FAM107B: variants seen among roughly 807,000 people sequenced by gnomAD.
FAM107B encodes the protein family with sequence similarity 107 member B.
A neutral mutation model predicts 31.5 loss-of-function variants in FAM107B; 21 were observed. That is an observed-to-expected ratio of 0.67 (90% CI 0.47 to 0.96). The LOEUF is 0.96. Ranked by LOEUF, FAM107B falls within the 40% of genes least tolerant of loss-of-function variation. FAM107B has a pLI of 0.00. For missense variants in FAM107B, 452 were observed against 377.1 expected, an observed-to-expected ratio of 1.20 and a Z score of -1.64; for synonymous variants, 157 against 141.5, an observed-to-expected ratio of 1.11 and a Z score of -0.78.
At chr10:14,673,795 A>G (rs1854614646) in intron 1 of FAM107B, among the ~76,000 whole-genome samples, 1 of 151,976 alleles carries the variant, frequency 6.6e-6, no homozygotes, top group Non-Finnish European at 1.5e-5. Flanking sequence ...TGTCTTCTTG[A>G]TAATCGCCAT....
At chr10:14,578,918 A>G (rs1186287507) in intron 2 of FAM107B, among the ~76,000 whole-genome samples, 1 of 152,200 alleles carries the variant, frequency 6.6e-6, no homozygotes, top group Non-Finnish European at 1.5e-5. Context: ...GGGTCTCCAA[A>G]AAGTATAGCA....
At chr10:14,668,975 T>C (rs569597317) in intron 1 of FAM107B, among the ~76,000 whole-genome samples, 5 of 152,324 alleles carry the variant, frequency 3.3e-5, no homozygotes, top group East Asian at 1.9e-4. Flanking sequence ...TTATTCATTA[T>C]AGGAATACTG....
In FAM107B at chr10:14,579,745, A is replaced by G. The variant is rs142250602; in HGVS notation, c.470-49230T>C. Among the ~76,000 whole-genome samples, 534 of 152,316 alleles carry G rather than the reference A, an allele frequency of 3.5e-3. 6 individuals are homozygous for G. Among genetic ancestry groups the G allele is most frequent in the African/African-American group, 0.012 (497 of 41,562 alleles). ...TCCAAAAAAGATTTGGAGTGTGTTA[A>G]AAGTCATACATGTCTCATGCCTGTA... On this transcript the variant is annotated intron_variant, in intron 2 of 4. Transcript: ENST00000181796.
intron 2 of FAM107B, among the ~76,000 whole-genome samples, chr10:14,635,178 G>C (rs986695799): frequency 6.6e-6 from 1 of 151,824 alleles, no homozygotes; most frequent in Non-Finnish European, 1.5e-5. Context: ...ACAAACCTCA[G>C]TTTTTTTGGC....
chr10:14,602,997 TCCCACACA>T (rs1157558982), intron 2 of FAM107B: 1 of 63,784 alleles, frequency 1.6e-5, no homozygotes, highest in Non-Finnish European at 3.7e-5. Flanking sequence ...CCACCCTCTT[TCCCACACA>T]CACACACACA....
At chr10:14,760,366 A>G (rs1833019359) in intron 1 of FAM107B, among the ~76,000 whole-genome samples, 3 of 152,312 alleles carry the variant, frequency 2.0e-5, no homozygotes, top group African/African-American at 7.2e-5. Flanking sequence ...CTGCAGTACT[A>G]TATTAGAAAG....
chr10:14,521,748 A>G (rs1845658935), intron 4 of FAM107B, 121 bp downstream of exon 4: 8 of 1,395,636 alleles, frequency 5.7e-6, no homozygotes, highest in African/African-American at 1.4e-5. Flanking sequence ...TTTGTCTCCA[A>G]TATTTCTTTC....
At chr10:14,614,494 G>A (rs995170641) in intron 2 of FAM107B, among the ~76,000 whole-genome samples, 1 of 151,898 alleles carries the variant, frequency 6.6e-6, no homozygotes, top group Non-Finnish European at 1.5e-5. Context: ...CCAACATGGT[G>A]AAACCCAGTC....
chr10:14,622,338 C>T (rs1255129847), intron 2 of FAM107B, among the ~76,000 whole-genome samples: 5 of 145,308 alleles, frequency 3.4e-5, no homozygotes, highest in African/African-American at 5.1e-5. Flanking sequence ...GATGGAGTCT[C>T]GCTGTATTGC....
intron 2 of FAM107B, among the ~76,000 whole-genome samples, chr10:14,643,048 C>T (rs1050088273): frequency 1.3e-5 from 2 of 152,096 alleles, no homozygotes; most frequent in African/African-American, 4.8e-5. Context: ...CACTCCACTA[C>T]TTGGTTCCAA....
At chr10:14,566,773 C>T (rs1850703334) in intron 2 of FAM107B, among the ~76,000 whole-genome samples, 1 of 152,218 alleles carries the variant, frequency 6.6e-6, no homozygotes, top group African/African-American at 2.4e-5. Context: ...CCAAGAAGAG[C>T]TTGGGTTCTG....
chr10:14,763,548 C>T (rs1237253484), intron 1 of FAM107B, among the ~76,000 whole-genome samples: 1 of 152,208 alleles, frequency 6.6e-6, no homozygotes, highest in East Asian at 1.9e-4. Flanking sequence ...CACCAAGTCA[C>T]TTCTGCCTAT....
intron 2 of FAM107B, among the ~76,000 whole-genome samples, chr10:14,638,456 A>T (rs950640802): frequency 6.6e-6 from 1 of 152,208 alleles, no homozygotes; most frequent in Admixed American, 6.5e-5. Flanking sequence ...CAATGTTGGC[A>T]TGCAGCCTTT....
At chr10:14,616,011 C>A (rs1852840126) in intron 2 of FAM107B, among the ~76,000 whole-genome samples, 1 of 152,162 alleles carries the variant, frequency 6.6e-6, no homozygotes, top group African/African-American at 2.4e-5. Flanking sequence ...ATCACAAAAA[C>A]TTCCCTTAAT....
At chr10:14,696,040 C>G (rs1353207151) in intron 1 of FAM107B, among the ~76,000 whole-genome samples, 2 of 152,212 alleles carry the variant, frequency 1.3e-5, no homozygotes, top group Admixed American at 6.5e-5. Flanking sequence ...TGAGAGTGGG[C>G]ATCCTTAACT....
At chr10:14,548,934 G>T (rs1166459248) in intron 2 of FAM107B, among the ~76,000 whole-genome samples, 1 of 152,148 alleles carries the variant, frequency 6.6e-6, no homozygotes, top group Non-Finnish European at 1.5e-5. Flanking sequence ...CCTTTGAAAG[G>T]TAATTAGGTT....
In FAM107B at chr10:14,774,496, A is replaced by T; in HGVS notation, c.168T>A (p.Pro56=). 6.2e-7 allele frequency: 1 copy of T among 1,614,172 alleles called. No homozygotes were observed. The highest frequency in any genetic ancestry group is 8.5e-7 in the Non-Finnish European group (1 of 1,180,040). The stretch of plus-strand genomic sequence containing the variant: ...TTGGCTGTCTGCCTGCTTTGGCCAC[A>T]GGCTGCACACGGACGGTGGAATGAG... ...ADTHSTVRVQ[P]VAKAGRQPRH... The change falls in exon 1 of 5, where the codon CCT becomes CCA. Residue 56 remains proline, a synonymous_variant. Coordinates refer to ENST00000181796, the MANE Select transcript of FAM107B (RefSeq NM_031453.4).
At chr10:14,702,152 C>T (rs1299853899) in intron 1 of FAM107B, among the ~76,000 whole-genome samples, 2 of 152,178 alleles carry the variant, frequency 1.3e-5, no homozygotes, top group East Asian at 3.9e-4. Flanking sequence ...TCTTAAGGAA[C>T]AAAGACACGC....
intron 2 of FAM107B, among the ~76,000 whole-genome samples, chr10:14,573,962 C>CTGCTCCTTT (rs1851383111): frequency 1.3e-5 from 2 of 151,004 alleles, no homozygotes; most frequent in Non-Finnish European, 2.9e-5. Flanking sequence ...TCTGCTCTTT[C>CTGCTCCTTT]TCTCATAATC....
Sources: gnomAD v4.1 joint callset for allele counts (sites outside exome capture counted in the v4.1 genomes callset) on GRCh38, gnomAD v4.1.1 for gene constraint, MANE v1.5 for transcripts, NCBI Gene and HGNC (gene_info 2026-07-23, HGNC 2026-07-21) for gene names.